The following S100Z variants were observed in gnomAD, a reference collection of about 807,000 sequenced individuals.
The protein encoded by S100Z is S100 calcium binding protein Z.
Under a neutral mutation model 8.5 loss-of-function variants are expected in S100Z, and 11 were observed. The ratio of observed to expected loss-of-function variants is 1.30; its 90% CI spans 0.82 to 2.15. The LOEUF is 2.15. S100Z is among the 30% of genes most tolerant of loss of function. S100Z has a pLI of 0.00. For synonymous variants in S100Z, 34 were observed against 43.8 expected (o/e 0.78, Z 0.89); for missense variants, 126 against 117.9 (o/e 1.07, Z -0.32).
At chr5:76,934,883 A>C in the S100Z span, among the ~76,000 whole-genome samples, 2 of 152,196 alleles carry the variant, frequency 1.3e-5, no homozygotes, top group Non-Finnish European at 1.5e-5. Context: ...GGAGTTGTCA[A>C]ATGCCTATAT....
chr5:76,937,576 T>C, the S100Z span, among the ~76,000 whole-genome samples: 1 of 151,688 alleles, frequency 6.6e-6, no homozygotes, highest in Non-Finnish European at 1.5e-5. Flanking sequence ...GACAACATAG[T>C]GAGACCTTGT....
intron 1 of S100Z, among the ~76,000 whole-genome samples, chr5:76,863,831 C>T (rs973033384): frequency 3.3e-5 from 5 of 152,320 alleles, no homozygotes; most frequent in Middle Eastern, 3.4e-3. Flanking sequence ...AGCCACTGCG[C>T]CCGGCCAATT....
chr5:76,947,363 T>G, the S100Z span, among the ~76,000 whole-genome samples: 13 of 152,342 alleles, frequency 8.5e-5, no homozygotes, highest in Non-Finnish European at 1.6e-4. Context: ...CATTAGAATT[T>G]CATTCAAAAG....
chr5:76,899,572 T>G (rs1250417592), intron 4 of S100Z, among the ~76,000 whole-genome samples: 1 of 152,154 alleles, frequency 6.6e-6, no homozygotes, highest in Admixed American at 6.5e-5. Context: ...TTATAACCCA[T>G]TATTTTAACC....
chr5:76,927,432 C>T, the S100Z span, among the ~76,000 whole-genome samples: 2 of 152,176 alleles, frequency 1.3e-5, no homozygotes, highest in African/African-American at 4.8e-5. Context: ...TCTTTCTCAC[C>T]TCCATTCAGA....
intron 4 of S100Z, among the ~76,000 whole-genome samples, chr5:76,887,269 G>T (rs1168727346): frequency 5.3e-5 from 8 of 149,810 alleles, no homozygotes; most frequent in Admixed American, 5.3e-4. Context: ...GCTAATTTTT[G>T]TATTTTTAGT....
intron 1 of S100Z, among the ~76,000 whole-genome samples, chr5:76,854,835 A>G (rs556398188): frequency 1.3e-5 from 2 of 152,364 alleles, no homozygotes; most frequent in African/African-American, 4.8e-5. Flanking sequence ...AGCCCCTCCA[A>G]TCACAGGCCC....
At chr5:76,873,859 T>C (rs1458667846) in intron 2 of S100Z, among the ~76,000 whole-genome samples, 1 of 152,234 alleles carries the variant, frequency 6.6e-6, no homozygotes, top group East Asian at 1.9e-4. Flanking sequence ...ATGGACTCTT[T>C]CTTTATTAAG....
chr5:76,938,421 T>C, the S100Z span, among the ~76,000 whole-genome samples: 1 of 151,960 alleles, frequency 6.6e-6, no homozygotes, highest in African/African-American at 2.4e-5. Flanking sequence ...AGAAGAGAAA[T>C]TCTAGTTTCT....
the S100Z span, among the ~76,000 whole-genome samples, chr5:76,947,194 C>T: frequency 2.6e-5 from 4 of 151,852 alleles, no homozygotes; most frequent in Middle Eastern, 3.4e-3. Flanking sequence ...TAATCCCCCA[C>T]GTCCTGGCCC....
At chr5:76,876,031 A>G (rs1353639537) in intron 3 of S100Z, among the ~76,000 whole-genome samples, 5 of 152,226 alleles carry the variant, frequency 3.3e-5, no homozygotes, top group Admixed American at 1.3e-4. Flanking sequence ...GGTAGCAAAC[A>G]GATTCATTTC....
intron 3 of S100Z, 74 bp from the exon 4 acceptor site, chr5:76,877,599 TA>T: frequency 1.1e-6 from 1 of 887,856 alleles, no homozygotes; most frequent in Non-Finnish European, 1.8e-6. Context: ...TTAATGTAAA[TA>T]AAAGGAAGAT....
intron 1 of S100Z, among the ~76,000 whole-genome samples, chr5:76,863,612 C>T (rs921204245): frequency 6.6e-6 from 1 of 152,056 alleles, no homozygotes; most frequent in Non-Finnish European, 1.5e-5. Flanking sequence ...GATCTCGGCT[C>T]ACTGCAAGCT....
Position 76,864,392 on chromosome 5 carries a change from T to A in S100Z, c.-175-5774T>A, listed in dbSNP as rs1296333291. ...ACTGCTTAATGCATACTATATTTTTTTTTTTTTTTTTTTTTTTTTTTTTTT... is the reference window on the plus strand; with the variant it reads ...ACTGCTTAATGCATACTATATTTTTATTTTTTTTTTTTTTTTTTTTTTTTT... On this transcript the variant is annotated intron_variant, in intron 1 of 4. Transcript: ENST00000317593. Among the ~76,000 whole-genome samples the A allele has an allele frequency of 4.2e-3, 298 of 70,948 alleles. 1 individual carries two copies. The highest frequency in any genetic ancestry group is 9.4e-3 in the East Asian group (15 of 1,594). The allele number at this position is 70,948 out of a possible 152,430, so 46.5% of individuals were successfully genotyped here.
At chr5:76,874,624 T>C (rs2150638763) in intron 2 of S100Z, among the ~76,000 whole-genome samples, 1 of 152,302 alleles carries the variant, frequency 6.6e-6, no homozygotes, top group South Asian at 2.1e-4. Context: ...TAAATGCTTA[T>C]AGTTTAATGG....
chr5:76,892,006 C>G (rs977591933), intron 4 of S100Z, among the ~76,000 whole-genome samples: 1 of 152,014 alleles, frequency 6.6e-6, no homozygotes, highest in Admixed American at 6.5e-5. Context: ...CAACCTAGTC[C>G]GAATGATTCA....
At chr5:76,923,520 TG>T (rs1188782440), downstream of S100Z, among the ~76,000 whole-genome samples, 3 of 151,916 alleles carry the variant, frequency 2.0e-5, no homozygotes, top group Non-Finnish European at 1.5e-5. Context: ...GCCACCCCAA[TG>T]GGGGAGGGCA....
chr5:76,902,171 C>T (rs1427912609), intron 4 of S100Z, among the ~76,000 whole-genome samples: 2 of 152,112 alleles, frequency 1.3e-5, no homozygotes, highest in South Asian at 2.1e-4. Flanking sequence ...GCTGTATAGC[C>T]CAGAGTTAGG....
At chr5:76,874,197 CTTT>C (rs368434034) in intron 2 of S100Z, among the ~76,000 whole-genome samples, 2 of 138,824 alleles carry the variant, frequency 1.4e-5, no homozygotes, top group Admixed American at 7.3e-5. Flanking sequence ...AGCACTTCCT[CTTT>C]TTTTTTTTTT....
Sources: allele counts gnomAD v4.1 joint callset (sites outside exome capture counted in the v4.1 genomes callset), GRCh38; gene constraint gnomAD v4.1.1; transcripts MANE v1.5; gene names NCBI Gene and HGNC (gene_info 2026-07-23, HGNC 2026-07-21).